The following RGS6 variants were observed in gnomAD, a reference collection of about 807,000 sequenced individuals.
RGS6 encodes the protein regulator of G protein signaling 6.
RGS6 carries 30 observed loss-of-function variants against 78.5 expected under a neutral mutation model. The ratio of observed to expected loss-of-function variants is 0.38; its 90% CI spans 0.29 to 0.52. The LOEUF (loss-of-function observed/expected upper bound fraction) is 0.52, where lower values mean the gene tolerates loss of function less well. Ranked by LOEUF, RGS6 falls within the 20% of genes least tolerant of loss-of-function variation. The pLI, the probability that RGS6 is intolerant of heterozygous loss-of-function variation, is 0.85. For synonymous variants in RGS6, 206 were observed against 206.0 expected (o/e 1.00, Z 0.00); for missense variants, 495 against 609.7 (o/e 0.81, Z 1.98).
At chr14:72,601,354 C>A in the RGS6 span, among the ~76,000 whole-genome samples, 1 of 152,068 alleles carries the variant, frequency 6.6e-6, no homozygotes, top group Non-Finnish European at 1.5e-5. Context: ...ACCCACTCAG[C>A]ACAGCTCCCA....
At position 72,501,237 on chromosome 14, in the gene RGS6, G is replaced by T. The variant is rs984474661; in HGVS notation, c.965+5975G>T. On this transcript the variant is annotated intron_variant, in intron 13 of 17. Coordinates refer to ENST00000553525, the MANE Select transcript of RGS6 (RefSeq NM_001204424.2). ...CTGAGTCTGCCGTGGGGAGGTTACA[G>T]ACAGCCAAATGGAGGATGGCCATAG... Among the ~76,000 whole-genome samples the T allele has an allele frequency of 3.3e-5, 5 of 152,166 alleles. No homozygotes were observed. In the South Asian group the frequency reaches 1.0e-3, roughly 32 times the overall value.
chr14:71,898,547 C>T, the RGS6 span, among the ~76,000 whole-genome samples: 858 of 152,160 alleles, frequency 5.6e-3, 13 homozygotes, highest in African/African-American at 0.02. Flanking sequence ...ATGTGCAGAA[C>T]GTGCAGGTTT....
intron 13 of RGS6, among the ~76,000 whole-genome samples, chr14:72,505,723 A>G (rs1297818867): frequency 1.3e-5 from 2 of 152,206 alleles, no homozygotes; most frequent in African/African-American, 4.8e-5. Context: ...ACCTTGGACA[A>G]TCTGACCTCT....
At chr14:72,424,345 C>T (rs2094340835) in intron 3 of RGS6, among the ~76,000 whole-genome samples, 1 of 152,074 alleles carries the variant, frequency 6.6e-6, no homozygotes, top group African/African-American at 2.4e-5. Flanking sequence ...ATGCAGGATT[C>T]AAAGAAGTAA....
At chr14:72,290,754 A>G (rs2063440074) in intron 2 of RGS6, among the ~76,000 whole-genome samples, 1 of 152,180 alleles carries the variant, frequency 6.6e-6, no homozygotes, top group Admixed American at 6.5e-5. Flanking sequence ...CTCAATTTGC[A>G]CCTATGTTAG....
downstream of RGS6, among the ~76,000 whole-genome samples, chr14:72,567,130 G>T (rs1257505410): frequency 1.3e-5 from 2 of 152,326 alleles, no homozygotes; most frequent in Non-Finnish European, 2.9e-5. Flanking sequence ...TTCAGTGGCA[G>T]AAATTTTGCT....
chr14:71,877,956 C>T, the RGS6 span, among the ~76,000 whole-genome samples: 11 of 152,278 alleles, frequency 7.2e-5, no homozygotes, highest in East Asian at 7.7e-4. Context: ...CCACTCCAGA[C>T]GCTATTTGCC....
intron 2 of RGS6, among the ~76,000 whole-genome samples, chr14:72,308,128 CCTTG>C (rs1325424301): frequency 1.3e-5 from 2 of 152,200 alleles, no homozygotes; most frequent in South Asian, 2.1e-4. Context: ...ATTTTACTTC[CCTTG>C]CTTCAATTTT....
At chr14:72,077,961 C>T (rs2094647970) in intron 2 of RGS6, among the ~76,000 whole-genome samples, 1 of 152,056 alleles carries the variant, frequency 6.6e-6, no homozygotes, top group African/African-American at 2.4e-5. Flanking sequence ...TTCTCAGATC[C>T]CCCTCTACCA....
intron 2 of RGS6, among the ~76,000 whole-genome samples, chr14:72,299,662 T>C (rs920501998): frequency 1.3e-5 from 2 of 152,228 alleles, no homozygotes; most frequent in African/African-American, 2.4e-5. Context: ...ATCTTTTTTA[T>C]TACAGCCATC....
chr14:72,423,642 T>G (rs2094305498), intron 3 of RGS6, among the ~76,000 whole-genome samples: 1 of 120,622 alleles, frequency 8.3e-6, no homozygotes, highest in African/African-American at 3.2e-5. Context: ...GACACGAAGA[T>G]AATAGTAACT....
rs192737852 is a variant in RGS6 at position 72,380,090 on chromosome 14, A to G, written c.184+27896A>G. Among the ~76,000 whole-genome samples, 6 of 152,074 alleles carry G rather than the reference A, an allele frequency of 3.9e-5. No individual in the cohort carries two copies. The East Asian group carries it at 9.6e-4, about 24-fold the overall frequency. ...CAAAACAAAACAGTATCTTAAATAA[A>G]TGGTCCCCAAAAAATCAGATATCCA... On this transcript the variant is annotated intron_variant, in intron 3 of 17. Transcript: ENST00000553525.
At chr14:72,561,021 G>T in intron 17 of RGS6, among the ~76,000 whole-genome samples, 1 of 151,572 alleles carries the variant, frequency 6.6e-6, no homozygotes, top group East Asian at 1.9e-4. Context: ...AGTCAGGCTG[G>T]CCATGCCTCT....
At chr14:72,189,146 TATGGATAATATTA>T (rs2097290673) in intron 2 of RGS6, among the ~76,000 whole-genome samples, 1 of 152,184 alleles carries the variant, frequency 6.6e-6, no homozygotes, top group African/African-American at 2.4e-5. Flanking sequence ...TAGCCAAAAC[TATGGATAATATTA>T]ATGGATAATA....
At chr14:71,945,199 T>C (rs1695723504) in intron 1 of RGS6, among the ~76,000 whole-genome samples, 1 of 152,238 alleles carries the variant, frequency 6.6e-6, no homozygotes, top group Admixed American at 6.5e-5. Context: ...TTCATTGTCT[T>C]ACTTGCCCTA....
chr14:72,250,194 A>G (rs1159756346), intron 2 of RGS6, among the ~76,000 whole-genome samples: 2 of 151,954 alleles, frequency 1.3e-5, no homozygotes, highest in Admixed American at 1.3e-4. Context: ...TACATATGTA[A>G]CTAACCTGCA....
At chr14:72,275,972 G>T (rs1349712275) in intron 2 of RGS6, among the ~76,000 whole-genome samples, 1 of 152,146 alleles carries the variant, frequency 6.6e-6, no homozygotes, top group African/African-American at 2.4e-5. Context: ...TATCCCATGA[G>T]ACTTTGGGGA....
chr14:71,946,374 A>G (rs2091516551), intron 1 of RGS6, among the ~76,000 whole-genome samples: 1 of 152,022 alleles, frequency 6.6e-6, no homozygotes, highest in Non-Finnish European at 1.5e-5. Context: ...CGGGGGCGGG[A>G]TGTTCCGTAC....
chr14:72,221,729 G>T (rs1045864674), intron 2 of RGS6, among the ~76,000 whole-genome samples: 1 of 152,048 alleles, frequency 6.6e-6, no homozygotes. Context: ...TTTTCCCCTT[G>T]AAAAAGTGAA....
Sources: gnomAD v4.1 joint callset for allele counts (sites outside exome capture counted in the v4.1 genomes callset) on GRCh38, gnomAD v4.1.1 for gene constraint, MANE v1.5 for transcripts, NCBI Gene and HGNC (gene_info 2026-07-23, HGNC 2026-07-21) for gene names.